FAM120A: variants seen among roughly 807,000 people sequenced by gnomAD.
The protein encoded by FAM120A is constitutive coactivator of PPAR-gamma-like protein 1.
A neutral mutation model predicts 109.7 loss-of-function variants in FAM120A; 15 were observed. The ratio of observed to expected loss-of-function variants is 0.14; its 90% CI spans 0.09 to 0.21. FAM120A has a LOEUF of 0.21. FAM120A is among the 10% of genes least tolerant of loss of function. The pLI, the probability that FAM120A is intolerant of heterozygous loss-of-function variation, is 1.00. For synonymous variants in FAM120A, 493 were observed against 572.8 expected, an observed-to-expected ratio of 0.86 and a Z score of 1.99; for missense variants, 899 against 1,439.3, an observed-to-expected ratio of 0.62 and a Z score of 6.07.
At chr9:93,481,652 C>CCT (rs1858812961) in intron 3 of FAM120A, among the ~76,000 whole-genome samples, 1 of 152,212 alleles carries the variant, frequency 6.6e-6, no homozygotes, top group South Asian at 2.1e-4. Flanking sequence ...GCTCCTTTTG[C>CCT]CTCCTTGTCT....
chr9:93,511,736 G>C (rs1363662014), intron 5 of FAM120A, among the ~76,000 whole-genome samples: 1 of 152,126 alleles, frequency 6.6e-6, no homozygotes, highest in South Asian at 2.1e-4. Context: ...TCTTGGACTC[G>C]ACATCTTCAA....
intron 3 of FAM120A, among the ~76,000 whole-genome samples, chr9:93,480,294 C>G (rs182385123): frequency 6.6e-6 from 1 of 152,132 alleles, no homozygotes; most frequent in Non-Finnish European, 1.5e-5. Context: ...AAGATGTGGT[C>G]AATTCTATAA....
At chr9:93,480,130 A>G (rs1394234240) in intron 3 of FAM120A, among the ~76,000 whole-genome samples, 2 of 152,228 alleles carry the variant, frequency 1.3e-5, no homozygotes, top group African/African-American at 4.8e-5. Flanking sequence ...TGACTTCTTC[A>G]TACCTCAATG....
chr9:93,562,697 C>T (rs1454279621), intron 17 of FAM120A, among the ~76,000 whole-genome samples: 2 of 143,262 alleles, frequency 1.4e-5, no homozygotes, highest in African/African-American at 5.2e-5. Context: ...TGGAGTCTCG[C>T]TCTATTGCCC....
chr9:93,543,612 T>C, intron 11 of FAM120A, 141 bp downstream of exon 11: 2 of 1,100,274 alleles, frequency 1.8e-6, no homozygotes, highest in Non-Finnish European at 2.5e-6. Context: ...CCCATATTTA[T>C]ATATGTGATA....
In FAM120A at chr9:93,514,179, A is replaced by G. The variant is rs148513156; in HGVS notation, c.1031-1488A>G. Among the ~76,000 whole-genome samples, 420 of 152,340 alleles carry G rather than the reference A, an allele frequency of 2.8e-3. 2 individuals are homozygous for G. Among genetic ancestry groups the G allele is most frequent in the African/African-American group, 9.5e-3 (396 of 41,576 alleles). ...GTAAGAAGTGTCGAGTGAAGGGGGAAGAGCCCCTTATACAACCATCAGATC... is the reference window on the plus strand; with the variant it reads ...GTAAGAAGTGTCGAGTGAAGGGGGAGGAGCCCCTTATACAACCATCAGATC... On this transcript the variant is annotated intron_variant, in intron 5 of 17. Transcript: ENST00000277165.
At chr9:93,538,877 G>C (rs1422752383) in intron 10 of FAM120A, among the ~76,000 whole-genome samples, 1 of 151,980 alleles carries the variant, frequency 6.6e-6, no homozygotes, top group Non-Finnish European at 1.5e-5. Context: ...AAAACATTGA[G>C]TTTTTTTACT....
intron 10 of FAM120A, among the ~76,000 whole-genome samples, chr9:93,533,539 C>T (rs1282337373): frequency 1.3e-5 from 2 of 152,218 alleles, no homozygotes; most frequent in African/African-American, 4.8e-5. Context: ...TGACATTCTT[C>T]TCAAAGGTTC....
At chr9:93,542,232 C>T (rs2131514108) in intron 10 of FAM120A, among the ~76,000 whole-genome samples, 1 of 152,264 alleles carries the variant, frequency 6.6e-6, no homozygotes, top group East Asian at 1.9e-4. Context: ...TGTAGCAGCA[C>T]TGGGCAAGGG....
At chr9:93,534,946 T>C (rs1370071358) in intron 10 of FAM120A, among the ~76,000 whole-genome samples, 1 of 152,196 alleles carries the variant, frequency 6.6e-6, no homozygotes, top group Non-Finnish European at 1.5e-5. Context: ...CACTTATTAG[T>C]TGATCATGGA....
chr9:93,550,665 G>A lies in FAM120A; in HGVS notation c.2248G>A (p.Glu750Lys). The change falls in exon 12 of 18, where the codon GAG (glutamate) becomes AAG (lysine). Residue 750 changes from glutamate to lysine, a missense_variant. Glu to Lys is a moderately conservative substitution (Grantham distance 56). This residue lies in a region of FAM120A where 52 missense variants were observed against 49.7 expected (regional missense o/e 1.05). Transcript: ENST00000277165. ...LAQALSPKLYEPDQLQELKIE... is the reference protein window; with the variant it reads ...LAQALSPKLYKPDQLQELKIE... Reference sequence around the variant, plus strand: ...TCAGGCGCTGTCCCCCAAACTCTACGAGCCTGATCAGCTCCAGGAGCTCAA... The same window carrying A: ...TCAGGCGCTGTCCCCCAAACTCTACAAGCCTGATCAGCTCCAGGAGCTCAA... 1 of 1,613,828 alleles carries A rather than the reference G, an allele frequency of 6.2e-7. No individual in the cohort carries two copies. The highest frequency in any genetic ancestry group is 8.5e-7 in the Non-Finnish European group (1 of 1,179,986).
At chr9:93,549,401 G>A (rs1169796430) in intron 11 of FAM120A, among the ~76,000 whole-genome samples, 1 of 152,230 alleles carries the variant, frequency 6.6e-6, no homozygotes, top group Admixed American at 6.5e-5. Flanking sequence ...GTTAAAGTGT[G>A]TAAGGTGCTT....
At chr9:93,538,902 G>A (rs1055684880) in intron 10 of FAM120A, among the ~76,000 whole-genome samples, 15 of 152,088 alleles carry the variant, frequency 9.9e-5, no homozygotes, top group Non-Finnish European at 1.9e-4. Context: ...GCTTAAGTAC[G>A]ATAGTATTTT....
rs374276000 is a variant in FAM120A, at chr9:93,557,903, C to A, written c.2561C>A (p.Thr854Lys). 6.2e-7 allele frequency: 1 copy of A among 1,612,530 alleles called. No individual in the cohort carries two copies. The highest frequency in any genetic ancestry group is 2.2e-5 in the East Asian group (1 of 44,880). Residue 854 changes from threonine (T) to lysine (K), a missense_variant, in exon 14 of 18, where the codon ACG (threonine) becomes AAG (lysine). Physicochemically the swap from Thr to Lys is moderately conservative, Grantham distance 78 (BLOSUM62 -1). Transcript: ENST00000277165. ...CTCAGCTTCTCCAGGCAGAGCCACA[C>A]GCTCCCTTTCCCGCCGCCACCTGCC... ...EGLSFSRQSH[T>K]LPFPPPPALP...
At chr9:93,457,756 A>T (rs1857613832) in intron 1 of FAM120A, among the ~76,000 whole-genome samples, 1 of 151,768 alleles carries the variant, frequency 6.6e-6, no homozygotes, top group African/African-American at 2.4e-5. Flanking sequence ...TTGTTATTTG[A>T]GCACTGATCT....
intron 2 of FAM120A, 105 bp downstream of exon 2, chr9:93,471,492 C>A: frequency 7.0e-7 from 1 of 1,425,884 alleles, no homozygotes; most frequent in Non-Finnish European, 9.6e-7. Flanking sequence ...ATGTATCACA[C>A]ATTGAAAAGA....
intron 3 of FAM120A, among the ~76,000 whole-genome samples, chr9:93,483,184 A>G (rs1456134046): frequency 6.6e-6 from 1 of 152,202 alleles, no homozygotes; most frequent in Non-Finnish European, 1.5e-5. Context: ...GAACCCTCCA[A>G]AGAAGGAATT....
At chr9:93,541,898 C>A (rs1388284911) in intron 10 of FAM120A, among the ~76,000 whole-genome samples, 2 of 152,136 alleles carry the variant, frequency 1.3e-5, no homozygotes, top group African/African-American at 4.8e-5. Context: ...TGCTGAGAAA[C>A]TGTGTATCCA....
At chr9:93,491,429 G>A (rs955612647) in intron 3 of FAM120A, among the ~76,000 whole-genome samples, 2 of 152,174 alleles carry the variant, frequency 1.3e-5, no homozygotes, top group Non-Finnish European at 2.9e-5. Flanking sequence ...TTAGAAGACT[G>A]CAGAACATGT....
Sources: allele counts gnomAD v4.1 joint callset (sites outside exome capture counted in the v4.1 genomes callset), GRCh38; gene constraint gnomAD v4.1.1; regional missense constraint gnomAD v4.1.1; transcripts MANE v1.5; gene names NCBI Gene and HGNC (gene_info 2026-07-23, HGNC 2026-07-21).